The following CPE variants were observed in gnomAD, a reference collection of about 807,000 sequenced individuals.
The protein encoded by CPE is carbocypeptidase E.
A neutral mutation model predicts 53.5 loss-of-function variants in CPE; 17 were observed. The observed-to-expected ratio is 0.32, with a 90% CI of 0.22 to 0.48. The LOEUF (loss-of-function observed/expected upper bound fraction) is 0.48. Ranked by LOEUF, CPE falls within the 20% of genes least tolerant of loss-of-function variation. The pLI is 0.99. For synonymous variants in CPE, 226 were observed against 228.8 expected (o/e 0.99, Z 0.11); for missense variants, 524 against 614.7 (o/e 0.85, Z 1.56).
intron 1 of CPE, among the ~76,000 whole-genome samples, chr4:165,432,112 T>C (rs1731418571): frequency 6.6e-6 from 1 of 152,128 alleles, no homozygotes; most frequent in East Asian, 1.9e-4. Context: ...CCAAAACATA[T>C]TTCAAGTACT....
intron 1 of CPE, among the ~76,000 whole-genome samples, chr4:165,436,187 CACAT>C (rs1364677635): frequency 7.8e-6 from 1 of 127,552 alleles, no homozygotes; most frequent in Admixed American, 7.5e-5. Context: ...TTTCCCAGCA[CACAT>C]ACACACACAC....
chr4:165,439,681 A>G (rs1731575088), intron 1 of CPE, among the ~76,000 whole-genome samples: 1 of 152,118 alleles, frequency 6.6e-6, no homozygotes, highest in South Asian at 2.1e-4. Context: ...AAAAATCCAG[A>G]GAGACTTCTA....
At chr4:165,411,225 A>C (rs1005161092) in intron 1 of CPE, among the ~76,000 whole-genome samples, 9 of 152,262 alleles carry the variant, frequency 5.9e-5, no homozygotes, top group African/African-American at 2.2e-4. Context: ...TTGGAAAGGG[A>C]GGTTTTTTAG....
chr4:165,469,108 T>G (rs1732155788), intron 3 of CPE, among the ~76,000 whole-genome samples: 2 of 152,230 alleles, frequency 1.3e-5, no homozygotes, highest in African/African-American at 4.8e-5. Context: ...AGTGTAATTT[T>G]TTGGTACTCT....
chr4:165,489,558 C>T (rs933420935), intron 6 of CPE, among the ~76,000 whole-genome samples: 2 of 152,100 alleles, frequency 1.3e-5, no homozygotes, highest in Non-Finnish European at 2.9e-5. Context: ...AACCGAGTCA[C>T]GGGAGTTTGG....
At chr4:165,446,072 C>T (rs550168498) in intron 1 of CPE, among the ~76,000 whole-genome samples, 1 of 151,852 alleles carries the variant, frequency 6.6e-6, no homozygotes, top group South Asian at 2.1e-4. Context: ...AAATTCACAC[C>T]ATGTATATAT....
chr4:165,382,226 A>G (rs1730515116), intron 1 of CPE, among the ~76,000 whole-genome samples: 1 of 152,142 alleles, frequency 6.6e-6, no homozygotes, highest in Non-Finnish European at 1.5e-5. Context: ...TCAGCAGGTC[A>G]GGGAGACTGG....
At chr4:165,428,530 G>T (rs1189624779) in intron 1 of CPE, among the ~76,000 whole-genome samples, 1 of 152,204 alleles carries the variant, frequency 6.6e-6, no homozygotes, top group Non-Finnish European at 1.5e-5. Flanking sequence ...TTAGTTTCCT[G>T]TGGATTCTGT....
At chr4:165,416,129 A>T (rs567069984) in intron 1 of CPE, among the ~76,000 whole-genome samples, 1 of 152,278 alleles carries the variant, frequency 6.6e-6, no homozygotes, top group East Asian at 1.9e-4. Context: ...CGCCAACTCA[A>T]CCGTAACAGT....
intron 1 of CPE, among the ~76,000 whole-genome samples, chr4:165,429,594 C>T (rs1374211640): frequency 6.6e-6 from 1 of 151,650 alleles, no homozygotes; most frequent in African/African-American, 2.4e-5. Flanking sequence ...CCCAGCGACT[C>T]CAGAGGCTGA....
chr4:165,484,433 G>C lies in CPE; in HGVS notation c.802G>C (p.Glu268Gln). 1 of 1,613,746 alleles carries C rather than the reference G, an allele frequency of 6.2e-7. No individual in the cohort carries two copies. Among genetic ancestry groups the C allele is most frequent in the South Asian group, 1.1e-5 (1 of 91,018 alleles). The change falls in exon 5 of 9, where the codon GAA becomes CAA. Residue 268 changes from glutamate to glutamine, a missense_variant. Physicochemically the swap from Glu to Gln is conservative, Grantham distance 29 (BLOSUM62 2). Transcript: ENST00000402744. Reference sequence around the variant, plus strand: ...GATTTGTTTTCTAGGTAGTGCTCACGAATACAGCTCCTCCCCAGATGACGC... The same window carrying C: ...GATTTGTTTTCTAGGTAGTGCTCACCAATACAGCTCCTCCCCAGATGACGC... Reference protein sequence around the residue: ...YDETRSGSAHEYSSSPDDAIF... With the variant: ...YDETRSGSAHQYSSSPDDAIF...
chr4:165,469,177 A>G (rs1007645228), intron 3 of CPE, among the ~76,000 whole-genome samples: 1 of 152,182 alleles, frequency 6.6e-6, no homozygotes, highest in African/African-American at 2.4e-5. Context: ...CATTTGGTGC[A>G]TCTTTGAACC....
intron 3 of CPE, among the ~76,000 whole-genome samples, chr4:165,476,150 CAGTGAA>C (rs1210390959): frequency 6.6e-6 from 1 of 152,090 alleles, no homozygotes; most frequent in East Asian, 1.9e-4. Flanking sequence ...TTTAGAGTAG[CAGTGAA>C]AGTGTATTAA....
At chr4:165,492,639 G>T (rs1014623549) in intron 6 of CPE, among the ~76,000 whole-genome samples, 3 of 152,112 alleles carry the variant, frequency 2.0e-5, no homozygotes, top group Non-Finnish European at 4.4e-5. Flanking sequence ...GAGCAAGCAG[G>T]GGGTACGTGA....
intron 1 of CPE, among the ~76,000 whole-genome samples, chr4:165,429,479 G>T (rs912745264): frequency 6.6e-6 from 1 of 152,114 alleles, no homozygotes; most frequent in African/African-American, 2.4e-5. Context: ...AACACGAGTA[G>T]ATTGCTTGAG....
At chr4:165,430,120 A>G (rs1454862109) in intron 1 of CPE, among the ~76,000 whole-genome samples, 2 of 152,198 alleles carry the variant, frequency 1.3e-5, no homozygotes, top group African/African-American at 2.4e-5. Context: ...CTTTTTGAAA[A>G]TCAGTTTTTA....
At chr4:165,457,064 G>A (rs1241238556) in intron 1 of CPE, among the ~76,000 whole-genome samples, 1 of 152,084 alleles carries the variant, frequency 6.6e-6, no homozygotes, top group African/African-American at 2.4e-5. Flanking sequence ...GTCTTATTGT[G>A]TTTCAAAATT....
At chr4:165,412,991 T>C (rs1256932228) in intron 1 of CPE, among the ~76,000 whole-genome samples, 2 of 152,250 alleles carry the variant, frequency 1.3e-5, no homozygotes, top group Non-Finnish European at 2.9e-5. Flanking sequence ...CTTCTTCGCA[T>C]GCGCTTGAGA....
chr4:165,380,721 T>G lies in CPE; in HGVS notation c.307+1193T>G, dbSNP rs1226188395. On this transcript the variant is annotated intron_variant, in intron 1 of 8. Transcript: ENST00000402744. ...ATAGACATTTTGATCTTCAAATATA[T>G]AGTAGGTGGGTTGATCAAGAATAAA... is the stretch of plus-strand genomic sequence containing the variant. Among the ~76,000 whole-genome samples the G allele has an allele frequency of 9.2e-5, 14 of 152,290 alleles. No individual in the cohort carries two copies. In the South Asian group the frequency reaches 1.9e-3, roughly 20 times the overall value.
Sources: allele counts gnomAD v4.1 joint callset (sites outside exome capture counted in the v4.1 genomes callset), GRCh38; gene constraint gnomAD v4.1.1; transcripts MANE v1.5; gene names NCBI Gene and HGNC (gene_info 2026-07-23, HGNC 2026-07-21).